FAM193A: variants seen among roughly 807,000 people sequenced by gnomAD.
FAM193A encodes protein FAM193A.
FAM193A carries 22 observed loss-of-function variants against 126.5 expected under a neutral mutation model. That is an observed-to-expected ratio of 0.17 (90% CI 0.12 to 0.25). The LOEUF (loss-of-function observed/expected upper bound fraction) is 0.25. Ranked by LOEUF, FAM193A falls within the 10% of genes least tolerant of loss-of-function variation. The pLI is 1.00. For synonymous variants in FAM193A, 761 were observed against 646.8 expected (o/e 1.18, Z -2.68); for missense variants, 1,675 against 1,672.8 (o/e 1.00, Z -0.02).
intron 19 of FAM193A, among the ~76,000 whole-genome samples, chr4:2,702,728 T>C (rs1384958490): frequency 1.3e-5 from 2 of 152,248 alleles, no homozygotes; most frequent in African/African-American, 4.8e-5. Context: ...TGCTGAGTCC[T>C]ACAACACAGG....
intron 14 of FAM193A, 68 bp from the exon 15 acceptor site, chr4:2,690,630 A>G: frequency 1.4e-6 from 2 of 1,430,132 alleles, no homozygotes; most frequent in Non-Finnish European, 1.9e-6. Flanking sequence ...AGTCATCAGC[A>G]TGTCTTTTAG....
intron 1 of FAM193A, among the ~76,000 whole-genome samples, chr4:2,569,583 A>G (rs1739174204): frequency 6.6e-6 from 1 of 151,868 alleles, no homozygotes; most frequent in African/African-American, 2.4e-5. Flanking sequence ...CTGCAGCCTC[A>G]ATCTCCCAGG....
At chr4:2,650,906 C>G (rs901590859) in intron 7 of FAM193A, among the ~76,000 whole-genome samples, 2 of 152,168 alleles carry the variant, frequency 1.3e-5, no homozygotes, top group African/African-American at 2.4e-5. Context: ...CAGGGCCCTC[C>G]TCCACAGTCT....
At chr4:2,615,751 T>G (rs142130538) in intron 2 of FAM193A, among the ~76,000 whole-genome samples, 3,172 of 152,332 alleles carry the variant, frequency 0.021, 51 homozygotes, top group Middle Eastern at 0.041. Context: ...TCTCCTGACC[T>G]CGTGATCTGC....
At chr4:2,559,630 G>A (rs1047514926) in intron 1 of FAM193A, among the ~76,000 whole-genome samples, 4 of 152,098 alleles carry the variant, frequency 2.6e-5, no homozygotes, top group African/African-American at 4.8e-5. Flanking sequence ...TACTCTCGCC[G>A]TAGTCTACTG....
chr4:2,596,201 G>T lies in FAM193A; in HGVS notation c.373G>T (p.Ala125Ser), dbSNP rs1439933958. The T allele has an allele frequency of 5.7e-6, 4 of 702,844 alleles. No homozygotes were observed. Among genetic ancestry groups the T allele is most frequent in the Non-Finnish European group, 7.8e-6 (3 of 385,016 alleles). The allele number at this position is 702,844 out of a possible 1,614,324, so 43.5% of individuals were successfully genotyped here. ...ATTCTTAGAGAGTGGAATTAAGACT[G>T]CGAGCAAATTGGCCCTTTCCATGGC... is the stretch of plus-strand genomic sequence containing the variant. ...SSFLESGIKTASKLALSMAPK... is the reference protein window; with the variant it reads ...SSFLESGIKTSSKLALSMAPK... Residue 125 changes from alanine to serine, a missense_variant, in exon 2 of 21, where the codon GCG becomes TCG. By Grantham distance (99) the Ala-to-Ser change is moderately conservative. Coordinates refer to ENST00000637812, the MANE Select transcript of FAM193A (RefSeq NM_001366318.2).
At chr4:2,650,135 A>C (rs767993821) in intron 7 of FAM193A, among the ~76,000 whole-genome samples, 1 of 152,174 alleles carries the variant, frequency 6.6e-6, no homozygotes, top group Non-Finnish European at 1.5e-5. Flanking sequence ...TAATTATTTC[A>C]TTCTATATGA....
In FAM193A at chr4:2,661,868, C is replaced by T. The variant is rs1331723210; in HGVS notation, c.1746-970C>T. Among the ~76,000 whole-genome samples, 13 of 152,262 alleles carry T rather than the reference C, an allele frequency of 8.5e-5. No individual in the cohort carries two copies. The East Asian group carries it at 2.5e-3, about 29-fold the overall frequency. On this transcript the variant is annotated intron_variant, in intron 10 of 20. Coordinates refer to ENST00000637812, the MANE Select transcript of FAM193A (RefSeq NM_001366318.2). The stretch of plus-strand genomic sequence containing the variant: ...CTGCATCTTAAGTGGTCTCTGTAGG[C>T]TAAAGCCTTGAAATCTGTTTAAAAT...
intron 1 of FAM193A, among the ~76,000 whole-genome samples, chr4:2,587,655 C>T (rs1053164830): frequency 6.6e-6 from 1 of 152,146 alleles, no homozygotes; most frequent in Non-Finnish European, 1.5e-5. Context: ...GATCGTGCTA[C>T]TGCAGTCCAG....
chr4:2,732,185 GCTCCGTTGC>G lies in FAM193A; in HGVS notation c.*321_*329del. On this transcript the variant is annotated 3_prime_UTR_variant, in exon 21 of 21. Transcript: ENST00000637812. The stretch of plus-strand genomic sequence containing the variant: ...GATAGGAGTTTGCATCATCCACGTG[GCTCCGTTGC>G]CTCTGCATTGCGCCCTGTCCTGTCA... 1 of 389,620 alleles carries G rather than the reference GCTCCGTTGC, an allele frequency of 2.6e-6. No individual in the cohort carries two copies. Among genetic ancestry groups the G allele is most frequent in the South Asian group, 2.4e-5 (1 of 41,006 alleles). 24.1% of individuals were successfully genotyped at this position (389,620 alleles called of 1,614,324 possible). A position where few individuals can be genotyped will look rare whatever the true frequency, so the allele number is the denominator to read the frequency against.
At position 2,625,317 on chromosome 4, in the gene FAM193A, G is replaced by A. The variant is rs1398931197; in HGVS notation, c.557G>A (p.Ser186Asn). The A allele has an allele frequency of 1.4e-6, 1 of 703,070 alleles. No homozygotes were observed. Among genetic ancestry groups the A allele is most frequent in the Admixed American group, 2.0e-5 (1 of 50,028 alleles). 43.6% of individuals were successfully genotyped at this position (703,070 alleles called of 1,614,324 possible). Residue 186 changes from serine (S) to asparagine (N), a missense_variant, in exon 3 of 21, where the codon AGT (serine) becomes AAT (asparagine). Physicochemically the swap from Ser to Asn is conservative, Grantham distance 46 (BLOSUM62 1). Transcript: ENST00000637812. Reference protein sequence around the residue: ...SLGGSQPEAGSGGRLALGAQT... With the variant: ...SLGGSQPEAGNGGRLALGAQT... ...GGTGGCTCCCAGCCAGAGGCCGGCA[G>A]TGGTGGGAGGCTCGCTCTGGGTGCA...
upstream of FAM193A, chr4:2,536,632 C>T (rs530023910): frequency 6.6e-6 from 1 of 151,228 alleles, no homozygotes; most frequent in Admixed American, 6.6e-5. Flanking sequence ...TCCCCCTCCC[C>T]CGACGTAAAC....
intron 8 of FAM193A, among the ~76,000 whole-genome samples, chr4:2,659,207 A>G (rs1191537940): frequency 2.6e-5 from 4 of 152,160 alleles, no homozygotes; most frequent in Non-Finnish European, 5.9e-5. Flanking sequence ...CTTGCCCTCC[A>G]CGTGCCACTT....
At chr4:2,571,732 G>A (rs1739303824) in intron 1 of FAM193A, among the ~76,000 whole-genome samples, 1 of 151,788 alleles carries the variant, frequency 6.6e-6, no homozygotes, top group Admixed American at 6.6e-5. Context: ...TAGAGACAGA[G>A]TTTCGCCATG....
chr4:2,637,277 A>G lies in FAM193A; in HGVS notation c.1039-2458A>G, dbSNP rs545536909. Among the ~76,000 whole-genome samples, 13 of 152,320 alleles carry G rather than the reference A, an allele frequency of 8.5e-5. No individual in the cohort carries two copies. In the East Asian group the frequency reaches 2.3e-3, roughly 27 times the overall value. Reference sequence around the variant, plus strand: ...GGGAGGCGGAGGTTGCAGTGAGCCAAGATTACACCACTGCACTCCAGCCTG... The same window carrying G: ...GGGAGGCGGAGGTTGCAGTGAGCCAGGATTACACCACTGCACTCCAGCCTG... On this transcript the variant is annotated intron_variant, in intron 5 of 20. Coordinates refer to ENST00000637812, the MANE Select transcript of FAM193A (RefSeq NM_001366318.2).
chr4:2,600,103 G>A (rs1741110353), intron 2 of FAM193A, among the ~76,000 whole-genome samples: 1 of 152,106 alleles, frequency 6.6e-6, no homozygotes, highest in Non-Finnish European at 1.5e-5. Flanking sequence ...TCGTGATGAT[G>A]GCCAAGCTGG....
At chr4:2,644,207 T>C (rs539244031) in intron 6 of FAM193A, among the ~76,000 whole-genome samples, 10 of 152,112 alleles carry the variant, frequency 6.6e-5, no homozygotes, top group African/African-American at 9.7e-5. Flanking sequence ...AACAAAGATA[T>C]CCACAAACCC....
chr4:2,689,425 T>G, intron 13 of FAM193A, 81 bp from the exon 14 acceptor site: 1 of 1,008,638 alleles, frequency 9.9e-7, no homozygotes, highest in South Asian at 1.6e-5. Context: ...TCATAATGAA[T>G]TGTCTGTCTG....
intron 8 of FAM193A, 133 bp downstream of exon 8, chr4:2,658,013 A>G (rs1293425472): frequency 1.5e-6 from 1 of 675,714 alleles, no homozygotes; most frequent in South Asian, 1.9e-5. Context: ...GCCAGCGTTA[A>G]AAACTGTTCA....
Sources: allele counts gnomAD v4.1 joint callset (sites outside exome capture counted in the v4.1 genomes callset), GRCh38; gene constraint gnomAD v4.1.1; transcripts MANE v1.5; gene names NCBI Gene and HGNC (gene_info 2026-07-23, HGNC 2026-07-21).